Variants in LEMD3 observed in about 807,000 individuals in gnomAD.
The protein encoded by LEMD3 is inner nuclear membrane protein Man1.
LEMD3 carries 33 observed loss-of-function variants against 95.2 expected under a neutral mutation model. The ratio of observed to expected loss-of-function variants is 0.35; its 90% confidence interval spans 0.26 to 0.46. LEMD3 has a LOEUF of 0.46. LEMD3 is among the 20% of genes least tolerant of loss of function. The probability of loss-of-function intolerance (pLI) is 1.00; values close to 1 mark genes in which losing one functional copy is unlikely to be tolerated. For missense variants in LEMD3, 1,210 were observed against 1,192.8 expected (o/e 1.01, Z -0.21); for synonymous variants, 525 against 474.6 (o/e 1.11, Z -1.38).
rs753010858 is a variant in LEMD3 at position 65,170,619 on chromosome 12, G to A, written c.1023G>A (p.Glu341=). Residue 341 remains glutamate, a synonymous_variant, in exon 1 of 13, where the codon GAG becomes GAA. Transcript: ENST00000308330. ...ACCTCGAAGAGGCGGCGGCCGCGGAGCAGGGAGGAGGGTGTGATCAAGTGG... is the reference window on the plus strand; with the variant it reads ...ACCTCGAAGAGGCGGCGGCCGCGGAACAGGGAGGAGGGTGTGATCAAGTGG... ...SRNLEEAAAA[E]QGGGCDQVDS... The A allele has an allele frequency of 3.7e-6, 6 of 1,614,000 alleles. No homozygotes were observed. The highest frequency in any genetic ancestry group is 4.2e-6 in the Non-Finnish European group (5 of 1,180,008).
intron 4 of LEMD3, among the ~76,000 whole-genome samples, chr12:65,235,820 A>T (rs1381497166): frequency 6.6e-6 from 1 of 152,088 alleles, no homozygotes; most frequent in African/African-American, 2.4e-5. Flanking sequence ...TCTCATCATG[A>T]TTATTTCTAA....
intron 1 of LEMD3, among the ~76,000 whole-genome samples, chr12:65,207,098 ATGAGGATGAAATGAGGTACCTCT>A (rs1460967595): frequency 1.3e-5 from 2 of 152,148 alleles, no homozygotes; most frequent in Admixed American, 1.3e-4. Flanking sequence ...CGGTAGTGTT[ATGAGGATGAAATGAGGTACCTCT>A]TGAGTACATG....
intron 4 of LEMD3, among the ~76,000 whole-genome samples, chr12:65,237,478 C>CA (rs1243513988): frequency 1.3e-5 from 2 of 152,116 alleles, no homozygotes; most frequent in Admixed American, 6.5e-5. Flanking sequence ...ATGTTAGTTG[C>CA]AATGTGGAAT....
chr12:65,192,281 C>T (rs1869268184), intron 1 of LEMD3, among the ~76,000 whole-genome samples: 1 of 152,172 alleles, frequency 6.6e-6, no homozygotes, highest in Non-Finnish European at 1.5e-5. Flanking sequence ...TCATTCACGT[C>T]CTAGCCACCT....
At chr12:65,194,895 A>ATTATAATTTAG (rs1592438548) in intron 1 of LEMD3, among the ~76,000 whole-genome samples, 1 of 141,320 alleles carries the variant, frequency 7.1e-6, no homozygotes, top group African/African-American at 2.6e-5. Flanking sequence ...ATAAAATTAA[A>ATTATAATTTAG]ATAAAATAAT....
intron 1 of LEMD3, among the ~76,000 whole-genome samples, chr12:65,186,079 G>A (rs905730250): frequency 7.9e-5 from 12 of 151,992 alleles, no homozygotes; most frequent in African/African-American, 2.9e-4. Context: ...AGATATATTA[G>A]GTTATCTCTC....
Position 65,170,545 on chromosome 12 carries a change from G to T in LEMD3, c.949G>T (p.Ala317Ser). The T allele has an allele frequency of 6.2e-7, 1 of 1,614,108 alleles. No individual in the cohort carries two copies. Among genetic ancestry groups the T allele is most frequent in the Non-Finnish European group, 8.5e-7 (1 of 1,180,024 alleles). ...TTCAGTTCAGGGAGGGGGAGGACTCGCGATGAATGACAGGGCGGCGGCTGC... is the reference window on the plus strand; with the variant it reads ...TTCAGTTCAGGGAGGGGGAGGACTCTCGATGAATGACAGGGCGGCGGCTGC... Reference protein sequence around the residue: ...ETSVQGGGGLAMNDRAAAAGS... With the variant: ...ETSVQGGGGLSMNDRAAAAGS... The change falls in exon 1 of 13, where the codon GCG (alanine) becomes TCG (serine). Residue 317 changes from alanine (A) to serine (S), a missense_variant. Physicochemically the swap from Ala to Ser is moderately conservative, Grantham distance 99. Around this residue, in one of 2 missense-constraint regions of LEMD3, gnomAD observed 749 missense variants for 622.9 expected, o/e 1.20. Coordinates refer to ENST00000308330, the MANE Select transcript of LEMD3 (RefSeq NM_014319.5).
At chr12:65,213,109 GATA>G (rs1444251304) in intron 2 of LEMD3, among the ~76,000 whole-genome samples, 5 of 151,240 alleles carry the variant, frequency 3.3e-5, no homozygotes, top group African/African-American at 7.4e-5. Context: ...TAGATAGATA[GATA>G]GATAAAGTAA....
chr12:65,241,204 G>A (rs1870928790), intron 9 of LEMD3, 117 bp downstream of exon 9: 1 of 855,176 alleles, frequency 1.2e-6, no homozygotes, highest in Non-Finnish European at 1.9e-6. Flanking sequence ...CTCTCGTTCT[G>A]TTTCGTAGAA....
intron 1 of LEMD3, among the ~76,000 whole-genome samples, chr12:65,183,706 C>T (rs922643209): frequency 3.3e-5 from 5 of 152,108 alleles, no homozygotes; most frequent in African/African-American, 1.2e-4. Flanking sequence ...CTGCCACTAG[C>T]GTTTGGGCAG....
intron 1 of LEMD3, among the ~76,000 whole-genome samples, chr12:65,187,554 G>A (rs193284022): frequency 6.6e-6 from 1 of 151,772 alleles, no homozygotes; most frequent in Non-Finnish European, 1.5e-5. Flanking sequence ...TGTATTTCAT[G>A]TATTTGTTTT....
In LEMD3 at chr12:65,246,442, C is replaced by G; in HGVS notation, c.*117C>G. On this transcript the variant is annotated 3_prime_UTR_variant, in exon 13 of 13. Transcript: ENST00000308330. Reference sequence around the variant, plus strand: ...AATATTTTTATTGATGAATACATCTCTGAACGTTCCAGAAGTCTTAAGGTT... The same window carrying G: ...AATATTTTTATTGATGAATACATCTGTGAACGTTCCAGAAGTCTTAAGGTT... 1.2e-6 allele frequency: 1 copy of G among 822,664 alleles called. No homozygotes were observed. The highest frequency in any genetic ancestry group is 2.0e-6 in the Non-Finnish European group (1 of 489,456). 51.0% of individuals were successfully genotyped at this position (822,664 alleles called of 1,614,324 possible). A position where few individuals can be genotyped will look rare whatever the true frequency, so the allele number is the denominator to read the frequency against.
At chr12:65,175,213 A>C (rs557978858) in intron 1 of LEMD3, among the ~76,000 whole-genome samples, 10 of 152,194 alleles carry the variant, frequency 6.6e-5, no homozygotes, top group Non-Finnish European at 1.5e-4. Flanking sequence ...TATAGCATAC[A>C]TATTCTGCAA....
intron 1 of LEMD3, among the ~76,000 whole-genome samples, chr12:65,202,911 A>G (rs966609759): frequency 6.6e-6 from 1 of 151,908 alleles, no homozygotes; most frequent in Admixed American, 6.6e-5. Flanking sequence ...TTTATTTCTG[A>G]TATTAGTAAT....
chr12:65,231,787 C>T (rs1449916897), intron 4 of LEMD3, among the ~76,000 whole-genome samples: 1 of 151,888 alleles, frequency 6.6e-6, no homozygotes, highest in Non-Finnish European at 1.5e-5. Flanking sequence ...GGTCCATTTT[C>T]CTCTAATTAG....
At position 65,246,517 on chromosome 12, in the gene LEMD3, A is replaced by T; in HGVS notation, c.*192A>T. The T allele has an allele frequency of 5.1e-6, 3 of 589,338 alleles. No homozygotes were observed. The highest frequency in any genetic ancestry group is 9.0e-6 in the Non-Finnish European group (3 of 333,696). 36.5% of individuals were successfully genotyped at this position (589,338 alleles called of 1,614,324 possible). ...GCAATGCTGAGTAGGTAGGATAATT[A>T]TTTCATTCAGTTTTTGGAGCTCAGT... On this transcript the variant is annotated 3_prime_UTR_variant, in exon 13 of 13. Coordinates refer to ENST00000308330, the MANE Select transcript of LEMD3 (RefSeq NM_014319.5).
At chr12:65,187,332 G>A (rs764164229) in intron 1 of LEMD3, among the ~76,000 whole-genome samples, 6 of 152,066 alleles carry the variant, frequency 3.9e-5, no homozygotes, top group Non-Finnish European at 7.4e-5. Context: ...TTCAATTCAA[G>A]GGATTCCAGG....
intron 9 of LEMD3, among the ~76,000 whole-genome samples, chr12:65,242,595 G>C (rs1592464459): frequency 1.3e-5 from 2 of 151,886 alleles, no homozygotes; most frequent in Non-Finnish European, 2.9e-5. Context: ...ATCCCTCTTT[G>C]TCCAACCTTT....
At chr12:65,200,738 T>G (rs1450343182) in intron 1 of LEMD3, among the ~76,000 whole-genome samples, 1 of 152,184 alleles carries the variant, frequency 6.6e-6, no homozygotes, top group Non-Finnish European at 1.5e-5. Context: ...GTCTTGCAAA[T>G]ATTTCCTGAC....
Sources: allele counts gnomAD v4.1 joint callset (sites outside exome capture counted in the v4.1 genomes callset), GRCh38; gene constraint gnomAD v4.1.1; regional missense constraint gnomAD v4.1.1; transcripts MANE v1.5; gene names NCBI Gene and HGNC (gene_info 2026-07-23, HGNC 2026-07-21).